DNAAF4: variants seen among roughly 807,000 people sequenced by gnomAD.
DNAAF4 encodes the protein dynein axonemal assembly factor 4.
A neutral mutation model predicts 51.8 loss-of-function variants in DNAAF4; 43 were observed. The observed-to-expected ratio is 0.83, with a 90% CI of 0.65 to 1.07. The LOEUF is 1.07. DNAAF4 is among the 50% of genes least tolerant of loss of function. The pLI is 0.00. For synonymous variants in DNAAF4, 194 were observed against 165.6 expected, an observed-to-expected ratio of 1.17 and a Z score of -1.32; for missense variants, 581 against 493.0, an observed-to-expected ratio of 1.18 and a Z score of -1.69.
At chr15:55,465,572 T>TTTTTC (rs1434023061) in intron 5 of DNAAF4, among the ~76,000 whole-genome samples, 3 of 151,356 alleles carry the variant, frequency 2.0e-5, no homozygotes, top group African/African-American at 7.3e-5. Context: ...CACTTTTTTT[T>TTTTTC]TTTTTTTTTT....
At chr15:55,445,335 T>A (rs1432586467) in intron 6 of DNAAF4, among the ~76,000 whole-genome samples, 1 of 152,104 alleles carries the variant, frequency 6.6e-6, no homozygotes, top group Non-Finnish European at 1.5e-5. Flanking sequence ...ACAGCACATG[T>A]TTCAGAGTGC....
rs58763098 is a variant in DNAAF4, at chr15:55,488,120, CTT to C, written c.405+3001_405+3002del. ...ATGAAATACCAATCTTTTTCTTTTT[CTT>C]TTTTTTTTTTTGCTGCGTAAGAGCG... On this transcript the variant is annotated intron_variant, in intron 4 of 9. Transcript: ENST00000321149. 1.6e-3 allele frequency among the ~76,000 whole-genome samples: 229 copies of C among 144,328 alleles called. 2 individuals carry two copies. The highest frequency in any genetic ancestry group is 5.0e-3 in the African/African-American group (197 of 39,160). 94.7% of individuals were successfully genotyped at this position (144,328 alleles called of 152,430 possible).
downstream of DNAAF4, among the ~76,000 whole-genome samples, chr15:55,427,374 G>A (rs2141389301): frequency 6.6e-6 from 1 of 151,970 alleles, no homozygotes; most frequent in Admixed American, 6.6e-5. Flanking sequence ...CCAGGGAGCA[G>A]AGTTTTTAAA....
chr15:55,478,870 A>C (rs1025117299), intron 4 of DNAAF4, among the ~76,000 whole-genome samples: 1 of 152,130 alleles, frequency 6.6e-6, no homozygotes, highest in African/African-American at 2.4e-5. Context: ...GTATTAAAAG[A>C]AGCCAAAATT....
chr15:55,418,166 A>G (rs1566992672), intron 7 of DNAAF4: 1 of 1,562,932 alleles, frequency 6.4e-7, no homozygotes, highest in Admixed American at 2.1e-5. Context: ...ACTGAATTAA[A>G]TTTTTTTTTT....
intron 4 of DNAAF4, among the ~76,000 whole-genome samples, chr15:55,469,662 T>A (rs141782884): frequency 0.04 from 6,009 of 151,390 alleles, 401 homozygotes; most frequent in African/African-American, 0.14. Context: ...TATTTTTTTT[T>A]TATATTTTTA....
downstream of DNAAF4, among the ~76,000 whole-genome samples, chr15:55,428,777 G>A (rs940248031): frequency 1.3e-4 from 19 of 151,570 alleles, no homozygotes; most frequent in Non-Finnish European, 2.7e-4. Flanking sequence ...TTACAGGCTT[G>A]AGCCACTGCG....
intron 1 of DNAAF4, among the ~76,000 whole-genome samples, chr15:55,502,030 C>T (rs1303082460): frequency 2.0e-5 from 3 of 150,040 alleles, no homozygotes; most frequent in African/African-American, 7.4e-5. Context: ...GCAACAAGAG[C>T]AAGACTCTGT....
At chr15:55,490,561 T>G (rs976040095) in intron 4 of DNAAF4, among the ~76,000 whole-genome samples, 1 of 152,156 alleles carries the variant, frequency 6.6e-6, no homozygotes, top group Non-Finnish European at 1.5e-5. Context: ...AGTAAAACAC[T>G]TGCACCATTG....
chr15:55,466,853 GA>G, intron 5 of DNAAF4, 76 bp downstream of exon 5: 1 of 1,531,620 alleles, frequency 6.5e-7, no homozygotes, highest in East Asian at 2.3e-5. Flanking sequence ...GCTGTGAATA[GA>G]TTTACAAAAA....
intron 1 of DNAAF4, among the ~76,000 whole-genome samples, chr15:55,504,395 T>A (rs1386183319): frequency 6.6e-6 from 1 of 152,184 alleles, no homozygotes; most frequent in Non-Finnish European, 1.5e-5. Flanking sequence ...TACCAATGAC[T>A]TTCTTCACAG....
intron 1 of DNAAF4, among the ~76,000 whole-genome samples, chr15:55,500,510 C>T (rs946938395): frequency 6.6e-6 from 1 of 152,082 alleles, no homozygotes; most frequent in African/African-American, 2.4e-5. Context: ...TCCCACTATA[C>T]AGAAATATGT....
intron 9 of DNAAF4, among the ~76,000 whole-genome samples, chr15:55,431,284 T>A (rs2057489022): frequency 6.6e-6 from 1 of 151,898 alleles, no homozygotes; most frequent in Non-Finnish European, 1.5e-5. Context: ...TTACAGAACT[T>A]AATACAATCT....
chr15:55,457,021 A>C (rs1215045453), intron 5 of DNAAF4, among the ~76,000 whole-genome samples: 1 of 152,208 alleles, frequency 6.6e-6, no homozygotes, highest in African/African-American at 2.4e-5. Flanking sequence ...AATTTTCCTA[A>C]GCAGAAATTG....
In DNAAF4 at chr15:55,439,579, C is replaced by G. The variant is rs761312998; in HGVS notation, c.786G>C (p.Trp262Cys). Residue 262 changes from tryptophan (W) to cysteine (C), a missense_variant and splice_region_variant, in exon 7 of 10, where the codon TGG becomes TGC. Physicochemically the swap from Trp to Cys is radical, Grantham distance 215. Transcript: ENST00000321149. ...TTCGTGCCTCAGCTTGTTTGTGTAG[C>G]CACTAGAATGAGAAAGAAGTCTTAT... The part of the protein sequence containing the change: ...RESQVAEEEE[W>C]LHKQAEARRA... 1.9e-6 allele frequency: 3 copies of G among 1,613,032 alleles called. No homozygotes were observed. In the East Asian group the frequency reaches 6.7e-5, roughly 36 times the overall value.
chr15:55,466,329 A>G (rs1301681663), intron 5 of DNAAF4, among the ~76,000 whole-genome samples: 5 of 152,128 alleles, frequency 3.3e-5, no homozygotes, highest in Admixed American at 6.6e-5. Flanking sequence ...TGGGAGGCTA[A>G]GGCAGGATGG....
At chr15:55,483,911 A>C (rs141614527) in intron 4 of DNAAF4, among the ~76,000 whole-genome samples, 17 of 143,708 alleles carry the variant, frequency 1.2e-4, no homozygotes, top group African/African-American at 4.3e-4. Flanking sequence ...AAGAGAGGAA[A>C]AGAGCAAGCA....
chr15:55,473,198 AATAT>A lies in DNAAF4; in HGVS notation c.406-6041_406-6038del, dbSNP rs1555418732. ...ACAAAAAAAAAACCTAAAAAAAAAAAATATATATATATATATATATATATGTGTG... is the reference window on the plus strand; with the variant it reads ...ACAAAAAAAAAACCTAAAAAAAAAAAATATATATATATATATATATGTGTG... On this transcript the variant is annotated intron_variant, in intron 4 of 9. Coordinates refer to ENST00000321149, the MANE Select transcript of DNAAF4 (RefSeq NM_130810.4). Among the ~76,000 whole-genome samples, 65 of 75,742 alleles carry A rather than the reference AATAT, an allele frequency of 8.6e-4. 6 individuals carry two copies. The highest frequency in any genetic ancestry group is 3.0e-3 in the African/African-American group (56 of 18,678). 49.7% of individuals were successfully genotyped at this position (75,742 alleles called of 152,430 possible). A position where few individuals can be genotyped will look rare whatever the true frequency, so the allele number is the denominator to read the frequency against.
chr15:55,423,500 C>T (rs2057404853), intron 7 of DNAAF4, among the ~76,000 whole-genome samples: 1 of 152,166 alleles, frequency 6.6e-6, no homozygotes, highest in African/African-American at 2.4e-5. Context: ...AACCCACCAC[C>T]TCCCAAAGTG....
Sources: gnomAD v4.1 joint callset for allele counts (sites outside exome capture counted in the v4.1 genomes callset) on GRCh38, gnomAD v4.1.1 for gene constraint, MANE v1.5 for transcripts, NCBI Gene and HGNC (gene_info 2026-07-23, HGNC 2026-07-21) for gene names.